PLEKHG1: variants seen among roughly 807,000 people sequenced by gnomAD.
The protein encoded by PLEKHG1 is pleckstrin homology and RhoGEF domain containing G1.
A neutral mutation model predicts 100.8 loss-of-function variants in PLEKHG1; 44 were observed. That is an observed-to-expected ratio of 0.44 (90% confidence interval 0.34 to 0.56). The LOEUF is 0.56. Ranked by LOEUF, PLEKHG1 falls within the 20% of genes least tolerant of loss-of-function variation. The pLI, the probability that PLEKHG1 is intolerant of heterozygous loss-of-function variation, is 0.01. For missense variants in PLEKHG1, 1,545 were observed against 1,720.9 expected, an observed-to-expected ratio of 0.90 and a Z score of 1.81; for synonymous variants, 640 against 662.5, an observed-to-expected ratio of 0.97 and a Z score of 0.52.
In PLEKHG1 at chr6:150,831,306, A is replaced by G. The variant is rs1776914738; in HGVS notation, c.2195A>G (p.His732Arg). Residue 732 changes from histidine to arginine, a missense_variant, in exon 15 of 16, where the codon CAT becomes CGT. Transcript: ENST00000358517. The surrounding 1 kb of genome is among the most constrained non-coding windows in gnomAD (Gnocchi z 4.1). Reference sequence around the variant, plus strand: ...GGAGAGGCATCCAGCCAAAGCACGCATGAACTCCAAGCGGTTGAGGAGAAC... The same window carrying G: ...GGAGAGGCATCCAGCCAAAGCACGCGTGAACTCCAAGCGGTTGAGGAGAAC... 6.2e-6 allele frequency: 10 copies of G among 1,614,156 alleles called. No individual in the cohort carries two copies. The highest frequency in any genetic ancestry group is 8.5e-6 in the Non-Finnish European group (10 of 1,180,020).
chr6:150,719,089 A>T (rs1427211597), upstream of PLEKHG1, among the ~76,000 whole-genome samples: 3 of 152,204 alleles, frequency 2.0e-5, no homozygotes, highest in Non-Finnish European at 4.4e-5. Flanking sequence ...CCGCGGATGA[A>T]CTAATAAATG....
intron 1 of PLEKHG1, among the ~76,000 whole-genome samples, chr6:150,629,408 A>G (rs977283423): frequency 8.5e-5 from 13 of 152,220 alleles, no homozygotes; most frequent in Admixed American, 6.5e-4. Context: ...TAGCAATGAT[A>G]AAATTAAAAC....
chr6:150,733,304 T>C (rs1461680999), intron 1 of PLEKHG1, among the ~76,000 whole-genome samples: 2 of 152,212 alleles, frequency 1.3e-5, no homozygotes, highest in African/African-American at 4.8e-5. Context: ...TCTCAAACTT[T>C]AATGCTTCTA....
At chr6:150,702,179 G>A (rs1048322256) in intron 3 of PLEKHG1, among the ~76,000 whole-genome samples, 15 of 152,312 alleles carry the variant, frequency 9.8e-5, no homozygotes, top group African/African-American at 2.9e-4. Context: ...GGTTGTTAAA[G>A]TTATGTTGTA....
At chr6:150,671,100 T>C (rs199507426) in intron 3 of PLEKHG1, among the ~76,000 whole-genome samples, 33,230 of 150,964 alleles carry the variant, frequency 0.22, 5,437 homozygotes, top group African/African-American at 0.46. Flanking sequence ...TATATATATA[T>C]ATATATATAT....
intron 10 of PLEKHG1, among the ~76,000 whole-genome samples, chr6:150,813,578 A>C (rs1238876958): frequency 6.6e-6 from 1 of 152,144 alleles, no homozygotes; most frequent in East Asian, 1.9e-4. Context: ...GCATGACATT[A>C]GGCTGAGTGA....
Position 150,683,897 on chromosome 6 carries a change from TCCTATGGTTTGGCA to T in PLEKHG1, c.-99+33115_-99+33128del. 1 of 1,100,956 alleles carries T rather than the reference TCCTATGGTTTGGCA, an allele frequency of 9.1e-7. No individual in the cohort carries two copies. Among genetic ancestry groups the T allele is most frequent in the South Asian group, 1.4e-5 (1 of 70,290 alleles). The allele number at this position is 1,100,956 out of a possible 1,614,324, so 68.2% of individuals were successfully genotyped here. ...CTGGGATGGAGGTAAGATGGAGCGA[TCCTATGGTTTGGCA>T]CCTGCAGCCAGGGTGGTGGCAAGGG... On this transcript the variant is annotated intron_variant, in intron 3 of 3. Coordinates refer to the PLEKHG1 transcript ENST00000367326. The surrounding 1 kb of genome is among the most constrained non-coding windows in gnomAD (Gnocchi z 4.0).
At chr6:150,723,017 C>T (rs979703723) in intron 1 of PLEKHG1, among the ~76,000 whole-genome samples, 7 of 152,120 alleles carry the variant, frequency 4.6e-5, no homozygotes, top group African/African-American at 1.7e-4. Context: ...TTTTCATCAT[C>T]CAAGACCTGG....
At chr6:150,634,301 C>T (rs892765104) in intron 1 of PLEKHG1, among the ~76,000 whole-genome samples, 1 of 149,016 alleles carries the variant, frequency 6.7e-6, no homozygotes, top group African/African-American at 2.5e-5. Context: ...GAACTGTGAT[C>T]AAGCAGCCAC....
intron 2 of PLEKHG1, among the ~76,000 whole-genome samples, chr6:150,641,375 A>T (rs902108566): frequency 2.6e-4 from 40 of 152,210 alleles, no homozygotes; most frequent in Non-Finnish European, 5.4e-4. Flanking sequence ...AGATTTTTGA[A>T]ATGGTAATCA....
chr6:150,828,291 G>A, intron 14 of PLEKHG1: 3 of 1,612,674 alleles, frequency 1.9e-6, no homozygotes, highest in Non-Finnish European at 2.5e-6. Context: ...CAGACCTGGA[G>A]GAAAACCCTA....
chr6:150,811,391 T>TC (rs200044958), intron 10 of PLEKHG1, among the ~76,000 whole-genome samples: 4,213 of 151,780 alleles, frequency 0.028, 64 homozygotes, highest in Non-Finnish European at 0.043. Flanking sequence ...CACCTCAGCC[T>TC]CCCAGAATAG....
chr6:150,774,635 G>A (rs187970605), intron 3 of PLEKHG1, among the ~76,000 whole-genome samples: 127 of 146,250 alleles, frequency 8.7e-4, no homozygotes, highest in African/African-American at 3.1e-3. Flanking sequence ...TCCATCTCCC[G>A]GGTTAAGCGA....
In PLEKHG1 at chr6:150,763,024, C is replaced by CTTTTTTTTTTTTTTTTTTTTTTT. The variant is rs60462437; in HGVS notation, c.412-5594_412-5593insTTTTTTTTTTTTTTTTTTTTTTT. ...AGCACCAACAGGAGGGATAAAGCTT[C>CTTTTTTTTTTTTTTTTTTTTTTT]TTTTTTTTTTTTTTTTTTTTGAGAC... On this transcript the variant is annotated intron_variant, in intron 2 of 15. Transcript: ENST00000358517. Among the ~76,000 whole-genome samples the CTTTTTTTTTTTTTTTTTTTTTTT allele has an allele frequency of 5.5e-3, 417 of 76,446 alleles. 33 individuals are homozygous for CTTTTTTTTTTTTTTTTTTTTTTT. Among genetic ancestry groups the CTTTTTTTTTTTTTTTTTTTTTTT allele is most frequent in the East Asian group, 8.8e-3 (18 of 2,040 alleles). 50.2% of individuals were successfully genotyped at this position (76,446 alleles called of 152,430 possible). A position where few individuals can be genotyped will look rare whatever the true frequency, so the allele number is the denominator to read the frequency against.
Position 150,678,720 on chromosome 6 carries a change from G to T in PLEKHG1, c.-99+27934G>T, listed in dbSNP as rs563967455. ...AATTTTATAGTGTTCACATTTCAGGGTTGAATTACAAATAACAAAGGCTTT... is the reference window on the plus strand; with the variant it reads ...AATTTTATAGTGTTCACATTTCAGGTTTGAATTACAAATAACAAAGGCTTT... On this transcript the variant is annotated intron_variant, in intron 3 of 3. Transcript: ENST00000367326. Among the ~76,000 whole-genome samples the T allele has an allele frequency of 2.6e-5, 4 of 152,270 alleles. No individual in the cohort carries two copies. In the East Asian group the frequency reaches 7.7e-4, roughly 29 times the overall value.
At chr6:150,661,709 A>G (rs1304298861) in intron 3 of PLEKHG1, among the ~76,000 whole-genome samples, 2 of 152,228 alleles carry the variant, frequency 1.3e-5, no homozygotes, top group Non-Finnish European at 2.9e-5. Context: ...GTATCTTGAT[A>G]TTAGAGTTTA....
Position 150,721,094 on chromosome 6 carries a change from T to C in PLEKHG1, c.-205T>C, listed in dbSNP as rs74639490. On this transcript the variant is annotated 5_prime_UTR_variant, in exon 1 of 16. Coordinates refer to ENST00000358517, the Ensembl canonical transcript of PLEKHG1. ...GATAAAAGCTGACTCATGCAATATT[T>C]CTACGGAAGGCGCTGCACAGACTAG... 6.2e-4 allele frequency: 600 copies of C among 961,472 alleles called. 12 individuals carry two copies. The East Asian group carries it at 0.046, about 73-fold the overall frequency. The allele number at this position is 961,472 out of a possible 1,614,324, so 59.6% of individuals were successfully genotyped here.
exon 16 of PLEKHG1, chr6:150,840,125 G>A (rs1583231400): frequency 6.2e-7 from 1 of 1,614,220 alleles, no homozygotes. Flanking sequence ...CTTGCTCTGT[G>A]CCTTCTCTTC....
At chr6:150,761,950 A>AG (rs970734415) in intron 2 of PLEKHG1, among the ~76,000 whole-genome samples, 1 of 152,150 alleles carries the variant, frequency 6.6e-6, no homozygotes, top group African/African-American at 2.4e-5. Context: ...AAAACAATAG[A>AG]GGGGACTGAA....
Sources: allele counts gnomAD v4.1 joint callset (sites outside exome capture counted in the v4.1 genomes callset), GRCh38; gene constraint gnomAD v4.1.1; non-coding constraint Gnocchi (gnomAD v3.1); transcripts MANE v1.5; gene names NCBI Gene and HGNC (gene_info 2026-07-23, HGNC 2026-07-21).